Variants in PCF11 observed in about 807,000 individuals in gnomAD.
PCF11 encodes the protein PCF11 cleavage and polyadenylation factor subunit.
Under a neutral mutation model 166.1 loss-of-function variants are expected in PCF11, and 19 were observed. The observed-to-expected ratio is 0.11, with a 90% CI of 0.08 to 0.17. The LOEUF (loss-of-function observed/expected upper bound fraction) is 0.17. Among genes scored for constraint, PCF11 ranks in the 10% least tolerant of loss-of-function variants. PCF11 has a pLI of 1.00. For synonymous variants in PCF11, 663 were observed against 644.1 expected (o/e 1.03, Z -0.44); for missense variants, 1,565 against 1,855.5 (o/e 0.84, Z 2.88).
chr11:83,171,649 T>G (rs1399971408), intron 8 of PCF11, among the ~76,000 whole-genome samples, 169 bp from the exon 9 acceptor site: 1 of 152,224 alleles, frequency 6.6e-6, no homozygotes, highest in Non-Finnish European at 1.5e-5. Context: ...TTATTGTTCC[T>G]GTTTGTAGAA....
intron 9 of PCF11, among the ~76,000 whole-genome samples, chr11:83,176,670 A>C (rs954853014): frequency 7.0e-6 from 1 of 143,778 alleles, no homozygotes; most frequent in Non-Finnish European, 1.5e-5. Flanking sequence ...GGAACATCAC[A>C]CACCAGGCAC....
intron 8 of PCF11, chr11:83,171,288 T>A (rs1677374383): frequency 2.2e-6 from 1 of 455,608 alleles, no homozygotes; most frequent in South Asian, 1.6e-5. Context: ...GCAAGATGCT[T>A]ACCTGCTTGG....
At chr11:83,173,403 C>T (rs1388569219) in intron 9 of PCF11, among the ~76,000 whole-genome samples, 1 of 151,206 alleles carries the variant, frequency 6.6e-6, no homozygotes, top group Non-Finnish European at 1.5e-5. Flanking sequence ...TGCAGTGAGC[C>T]AAGATCAGGC....
intron 1 of PCF11, among the ~76,000 whole-genome samples, chr11:83,160,909 A>G (rs751048936): frequency 2.0e-5 from 3 of 152,254 alleles, no homozygotes; most frequent in Non-Finnish European, 4.4e-5. Context: ...CATGGAAATT[A>G]GTTTCTACAA....
intron 11 of PCF11, among the ~76,000 whole-genome samples, chr11:83,179,904 C>A (rs919630159): frequency 1.3e-5 from 2 of 151,626 alleles, no homozygotes; most frequent in Non-Finnish European, 2.9e-5. Flanking sequence ...GGTGACAGAG[C>A]GCGAGACTCC....
At chr11:83,163,078 A>G (rs1860318201) in intron 2 of PCF11, among the ~76,000 whole-genome samples, 1 of 152,110 alleles carries the variant, frequency 6.6e-6, no homozygotes, top group Admixed American at 6.5e-5. Context: ...GCAATGGCAA[A>G]TTTTCTAAAC....
rs1860489051 is a variant in PCF11, at chr11:83,167,026, C to T, written c.1818-99C>T. The T allele has an allele frequency of 3.2e-6, 3 of 928,760 alleles. No homozygotes were observed. Among genetic ancestry groups the T allele is most frequent in the Admixed American group, 4.8e-5 (2 of 41,312 alleles). The allele number at this position is 928,760 out of a possible 1,614,324, so 57.5% of individuals were successfully genotyped here. On this transcript the variant is annotated intron_variant, in intron 5 of 15. Coordinates refer to ENST00000298281, the Ensembl canonical transcript of PCF11. The surrounding 1 kb of genome is among the most constrained non-coding windows in gnomAD (Gnocchi z 4.2). ...TAATTACTTTTTGTGGTTACATATG[C>T]CCATTTTAACCATATCCTTTGAAAA... is the stretch of plus-strand genomic sequence containing the variant.
Position 83,167,779 on chromosome 11 carries a change from A to G in PCF11, c.2092+274A>G. On this transcript the variant is annotated intron_variant, in intron 7 of 15. Coordinates refer to ENST00000298281, the Ensembl canonical transcript of PCF11. This position sits in a 1 kb window ranked among gnomAD's most constrained non-coding sequence, Gnocchi z 4.2. The stretch of plus-strand genomic sequence containing the variant: ...AATAGTGGAGCACAGTTTGACAGAA[A>G]AGAACAATTTAGTGAAAGAGCAAGA... The G allele has an allele frequency of 2.1e-6, 3 of 1,406,722 alleles. No individual in the cohort carries two copies. Among genetic ancestry groups the G allele is most frequent in the Non-Finnish European group, 2.8e-6 (3 of 1,065,652 alleles). 87.1% of individuals were successfully genotyped at this position (1,406,722 alleles called of 1,614,324 possible).
At chr11:83,164,249 A>G (rs1860366666) in exon 4 of PCF11, 2 of 1,613,736 alleles carry the variant, frequency 1.2e-6, no homozygotes, top group South Asian at 1.1e-5. Context: ...CAGTTCCCCT[A>G]GCATCTCCAC....
At chr11:83,184,472 ACT>A in intron 15 of PCF11, 1 of 517,404 alleles carries the variant, frequency 1.9e-6, no homozygotes, top group Non-Finnish European at 3.4e-6. Context: ...TAACTGCTTA[ACT>A]CACTGCTGAG....
exon 1 of PCF11, chr11:83,157,205 G>A: frequency 1.7e-6 from 1 of 585,298 alleles, no homozygotes; most frequent in Non-Finnish European, 3.0e-6. Context: ...TTGTGTCTGT[G>A]GAGAAAGAAG....
At chr11:83,170,122 C>A in intron 8 of PCF11, 127 bp downstream of exon 8, 1 of 759,424 alleles carries the variant, frequency 1.3e-6, no homozygotes, top group Non-Finnish European at 2.0e-6. Context: ...TACTCTAAAG[C>A]CACATGCTAA....
rs1378635544 is a variant in PCF11, at chr11:83,169,274, T to G, written c.2939T>G (p.Leu980Arg). ...CAACATAATCAACTTGGTGGGAACCTTAGGTTTGAGGGTCCACATGGTCAG... is the reference window on the plus strand; with the variant it reads ...CAACATAATCAACTTGGTGGGAACCGTAGGTTTGAGGGTCCACATGGTCAG... Residue 980 changes from leucine to arginine, a missense_variant, in exon 8 of 16, where the codon CTT becomes CGT. By Grantham distance (102) the Leu-to-Arg change is moderately radical. This residue lies in a region of PCF11 where 725 missense variants were observed against 749.3 expected (regional missense o/e 0.97). Coordinates refer to ENST00000298281, the Ensembl canonical transcript of PCF11. 1 of 1,612,314 alleles carries G rather than the reference T, an allele frequency of 6.2e-7. No individual in the cohort carries two copies.
chr11:83,177,430 G>T (rs1042894119), intron 10 of PCF11, among the ~76,000 whole-genome samples: 4 of 152,134 alleles, frequency 2.6e-5, no homozygotes, highest in African/African-American at 9.7e-5. Context: ...TACCTAATGT[G>T]CAGGCTTTTT....
chr11:83,160,321 G>GTTTTTTTTTTTTTTTTTTTT (rs35201107), intron 1 of PCF11, among the ~76,000 whole-genome samples: 25 of 91,266 alleles, frequency 2.7e-4, no homozygotes, highest in Admixed American at 3.8e-4. Flanking sequence ...GATAACCTAA[G>GTTTTTTTTTTTTTTTTTTTT]TTTTTTTTTT....
intron 2 of PCF11, among the ~76,000 whole-genome samples, chr11:83,162,831 A>G (rs748781873): frequency 1.6e-4 from 24 of 152,132 alleles, no homozygotes; most frequent in Non-Finnish European, 2.9e-4. Flanking sequence ...CTGGAGTGCA[A>G]TGGCACAATC....
At chr11:83,172,880 G>A (rs1860735381) in intron 9 of PCF11, among the ~76,000 whole-genome samples, 1 of 152,182 alleles carries the variant, frequency 6.6e-6, no homozygotes, top group South Asian at 2.1e-4. Flanking sequence ...AACTTCTGAA[G>A]TAATTAGGAA....
At chr11:83,180,381 C>T (rs535525140) in intron 11 of PCF11, 136 of 150,436 alleles carry the variant, frequency 9.0e-4, no homozygotes, top group African/African-American at 2.9e-3. Flanking sequence ...CCGCTGTGCC[C>T]GGCTATTTTT....
rs760309248 is a variant in PCF11, at chr11:83,157,430, C to T, written c.-10C>T. On this transcript the variant is annotated 5_prime_UTR_variant, in exon 1 of 16. Transcript: ENST00000298281. ...AGCTGCAGCGGACCTCGGAGGGGGGCCGCGGCGCAATGTCAGAGCAGACGC... is the reference window on the plus strand; with the variant it reads ...AGCTGCAGCGGACCTCGGAGGGGGGTCGCGGCGCAATGTCAGAGCAGACGC... The T allele has an allele frequency of 3.9e-5, 62 of 1,604,376 alleles. 1 individual carries two copies. The East Asian group carries it at 4.2e-4, about 11-fold the overall frequency.
Sources: gnomAD v4.1 joint callset for allele counts (sites outside exome capture counted in the v4.1 genomes callset) on GRCh38, gnomAD v4.1.1 for gene constraint, gnomAD v4.1.1 regional missense constraint, Gnocchi (gnomAD v3.1) non-coding constraint, MANE v1.5 for transcripts, NCBI Gene and HGNC (gene_info 2026-07-23, HGNC 2026-07-21) for gene names.